Variants in ADAMTS6 observed in about 807,000 individuals in gnomAD.
ADAMTS6 encodes the protein ADAM metallopeptidase with thrombospondin type 1 motif 6, also known as A disintegrin and metalloproteinase with thrombospondin motifs 6.
Under a neutral mutation model 144.3 loss-of-function variants are expected in ADAMTS6, and 23 were observed. That is an observed-to-expected ratio of 0.16 (90% CI 0.11 to 0.23). The LOEUF is 0.23. Ranked by LOEUF, ADAMTS6 falls within the 10% of genes least tolerant of loss-of-function variation. ADAMTS6 has a pLI of 1.00. For synonymous variants in ADAMTS6, 444 were observed against 457.5 expected (o/e 0.97, Z 0.38); for missense variants, 999 against 1,379.6 (o/e 0.72, Z 4.37).
rs78267429 is a variant in ADAMTS6, at chr5:65,201,079, C to T, written c.2576-3928G>A. Reference sequence around the variant, plus strand: ...TCCACTTGAATCACTGCTCTAGCTACATATCAAGAAATGGCTTTAATGGCA... The same window carrying T: ...TCCACTTGAATCACTGCTCTAGCTATATATCAAGAAATGGCTTTAATGGCA... On this transcript the variant is annotated intron_variant, in intron 20 of 24. Coordinates refer to ENST00000381055, the MANE Select transcript of ADAMTS6 (RefSeq NM_197941.4). Among the ~76,000 whole-genome samples, 599 of 152,286 alleles carry T rather than the reference C, an allele frequency of 3.9e-3. 7 individuals are homozygous for T. In the East Asian group the frequency reaches 0.052, roughly 13 times the overall value.
chr5:65,161,882 C>T (rs1299584479), intron 24 of ADAMTS6, among the ~76,000 whole-genome samples: 3 of 152,138 alleles, frequency 2.0e-5, no homozygotes, highest in Admixed American at 6.5e-5. Flanking sequence ...GAGTTGACAG[C>T]TTTAGATAAT....
intron 22 of ADAMTS6, among the ~76,000 whole-genome samples, chr5:65,173,615 A>G (rs1447010837): frequency 2.6e-5 from 4 of 152,126 alleles, no homozygotes; most frequent in Admixed American, 1.3e-4. Context: ...GTTTTTCCCT[A>G]TGTCACAAAT....
At chr5:65,475,665 A>G (rs901101668) in intron 1 of ADAMTS6, among the ~76,000 whole-genome samples, 10 of 152,152 alleles carry the variant, frequency 6.6e-5, no homozygotes, top group Non-Finnish European at 2.9e-5. Flanking sequence ...AAATTGCTGG[A>G]GGTAATCATT....
intron 20 of ADAMTS6, among the ~76,000 whole-genome samples, chr5:65,202,129 T>C (rs1178335076): frequency 6.6e-6 from 1 of 152,178 alleles, no homozygotes; most frequent in Non-Finnish European, 1.5e-5. Context: ...ATATGGTTCC[T>C]TCTTCTGAAG....
At chr5:65,315,692 G>A (rs1283919707) in intron 9 of ADAMTS6, among the ~76,000 whole-genome samples, 1 of 151,898 alleles carries the variant, frequency 6.6e-6, no homozygotes, top group Non-Finnish European at 1.5e-5. Context: ...AGAAAACTGG[G>A]GTAGCTATAT....
At position 65,406,248 on chromosome 5, in the gene ADAMTS6, G is replaced by A. The variant is rs557274054; in HGVS notation, c.1073+45227C>T. Among the ~76,000 whole-genome samples the A allele has an allele frequency of 2.6e-5, 4 of 152,262 alleles. No homozygotes were observed. The East Asian group carries it at 5.8e-4, about 22-fold the overall frequency. On this transcript the variant is annotated intron_variant, in intron 7 of 24. Coordinates refer to ENST00000381055, the MANE Select transcript of ADAMTS6 (RefSeq NM_197941.4). ...CCAGTTTTCCAAGGGAATGCTTCCA[G>A]TTTTTGCCCATTCAGTATGATATTG...
At chr5:65,284,556 T>G (rs1053993195) in intron 11 of ADAMTS6, among the ~76,000 whole-genome samples, 1 of 151,712 alleles carries the variant, frequency 6.6e-6, no homozygotes, top group African/African-American at 2.4e-5. Flanking sequence ...CAAATTTATA[T>G]CTATATTTAC....
intron 9 of ADAMTS6, among the ~76,000 whole-genome samples, chr5:65,319,546 C>T (rs1228885538): frequency 6.8e-6 from 1 of 146,672 alleles, no homozygotes; most frequent in Admixed American, 6.8e-5. Context: ...TATATATATG[C>T]AAAAATACAA....
At chr5:65,357,440 C>A (rs1670347462) in intron 7 of ADAMTS6, among the ~76,000 whole-genome samples, 1 of 151,002 alleles carries the variant, frequency 6.6e-6, no homozygotes, top group African/African-American at 2.4e-5. Context: ...ACCAATTTTG[C>A]ACCCCAAGGA....
intron 24 of ADAMTS6, among the ~76,000 whole-genome samples, chr5:65,164,387 C>T (rs1319012402): frequency 3.3e-5 from 5 of 151,932 alleles, no homozygotes; most frequent in South Asian, 2.1e-4. Context: ...CCTACGCCCA[C>T]GGAGTCTCGC....
intron 24 of ADAMTS6, 65 bp from the exon 25 acceptor site, chr5:65,152,010 G>A (rs1366086630): frequency 3.6e-6 from 5 of 1,387,166 alleles, no homozygotes; most frequent in East Asian, 2.3e-5. Context: ...TAAACAAGCC[G>A]ATGGGCCTGC....
chr5:65,260,616 C>CGATA lies in ADAMTS6; in HGVS notation c.1810_1813dup (p.Arg605LeufsTer5). 6.2e-7 allele frequency: 1 copy of CGATA among 1,613,382 alleles called. No homozygotes were observed. The highest frequency in any genetic ancestry group is 8.5e-7 in the Non-Finnish European group (1 of 1,179,646). On this transcript the variant is annotated frameshift_variant, in exon 14 of 25. Coordinates refer to ENST00000381055, the MANE Select transcript of ADAMTS6 (RefSeq NM_197941.4). LOFTEE classifies it high-confidence loss of function. ...TTTACTTACATCTGTGTTACAGGAG[C>CGATA]GATACCGTTTCCTTTCCCCAAGGCA... is the stretch of plus-strand genomic sequence containing the variant.
intron 9 of ADAMTS6, among the ~76,000 whole-genome samples, chr5:65,318,886 G>A (rs886479771): frequency 6.6e-6 from 1 of 151,960 alleles, no homozygotes; most frequent in Non-Finnish European, 1.5e-5. Context: ...TAATATAATT[G>A]GATTATTTGT....
chr5:65,226,395 G>A (rs548246712), intron 15 of ADAMTS6, among the ~76,000 whole-genome samples, 176 bp from the exon 16 acceptor site: 6 of 151,980 alleles, frequency 3.9e-5, no homozygotes, highest in Admixed American at 1.3e-4. Flanking sequence ...AATTGGTGGT[G>A]CAACTTAAAG....
chr5:65,162,482 A>C (rs1752835880), intron 24 of ADAMTS6, among the ~76,000 whole-genome samples: 1 of 152,160 alleles, frequency 6.6e-6, no homozygotes, highest in Non-Finnish European at 1.5e-5. Context: ...CTTGGACCCT[A>C]CCAAATGTGG....
chr5:65,293,856 T>C (rs1742561679), intron 10 of ADAMTS6, among the ~76,000 whole-genome samples: 1 of 152,212 alleles, frequency 6.6e-6, no homozygotes, highest in Non-Finnish European at 1.5e-5. Context: ...TAATGTAGTC[T>C]AGACAAGTCT....
intron 8 of ADAMTS6, 40 bp downstream of exon 8, chr5:65,334,002 A>AC (rs751555694): frequency 1.4e-5 from 16 of 1,109,530 alleles, no homozygotes; most frequent in Non-Finnish European, 1.6e-5. Flanking sequence ...TTTATTAAAA[A>AC]AAAAAAAAAA....
Position 65,409,571 on chromosome 5 carries a change from A to T in ADAMTS6, c.1073+41904T>A, listed in dbSNP as rs141381566. Among the ~76,000 whole-genome samples the T allele has an allele frequency of 7.2e-3, 1,092 of 152,306 alleles. 13 individuals carry two copies. Among genetic ancestry groups the T allele is most frequent in the African/African-American group, 0.025 (1,026 of 41,562 alleles). On this transcript the variant is annotated intron_variant, in intron 7 of 24. Transcript: ENST00000381055. Reference sequence around the variant, plus strand: ...CACAGCCGAATTCTACCAGAGGTACAAGGAGGAGTTGGTACCATTCCTTCT... The same window carrying T: ...CACAGCCGAATTCTACCAGAGGTACTAGGAGGAGTTGGTACCATTCCTTCT...
At chr5:65,318,038 G>GC (rs138708876) in intron 9 of ADAMTS6, among the ~76,000 whole-genome samples, 39,721 of 142,826 alleles carry the variant, frequency 0.28, 6,245 homozygotes, top group South Asian at 0.38. Context: ...TGGTGGCACT[G>GC]CACTCCAGCT....
Sources: allele counts gnomAD v4.1 joint callset (sites outside exome capture counted in the v4.1 genomes callset), GRCh38; gene constraint gnomAD v4.1.1; transcripts MANE v1.5; gene names NCBI Gene and HGNC (gene_info 2026-07-23, HGNC 2026-07-21).